Variants in NLN observed in about 807,000 individuals in gnomAD.
The protein encoded by NLN is neurolysin, mitochondrial.
NLN carries 64 observed loss-of-function variants against 79.9 expected under a neutral mutation model. The ratio of observed to expected loss-of-function variants is 0.80; its 90% CI spans 0.65 to 0.99. The LOEUF is 0.99. Among genes scored for constraint, NLN ranks in the 50% least tolerant of loss-of-function variants. NLN has a pLI of 0.00. For missense variants in NLN, 835 were observed against 858.7 expected, an observed-to-expected ratio of 0.97 and a Z score of 0.34; for synonymous variants, 267 against 296.6, an observed-to-expected ratio of 0.90 and a Z score of 1.02.
rs940532715 is a variant in NLN, at chr5:65,824,401, C to G, written c.*1486C>G. On this transcript the variant is annotated 3_prime_UTR_variant, in exon 13 of 13. Transcript: ENST00000380985. ...ACATCCACCTGAAATCCTACTACCCCCTCTTCTGAGATAATTTGCCCAGCC... is the reference window on the plus strand; with the variant it reads ...ACATCCACCTGAAATCCTACTACCCGCTCTTCTGAGATAATTTGCCCAGCC... 1 of 151,976 alleles carries G rather than the reference C, an allele frequency of 6.6e-6. No homozygotes were observed. Among genetic ancestry groups the G allele is most frequent in the African/African-American group, 2.4e-5 (1 of 41,278 alleles). 9.4% of individuals were successfully genotyped at this position (151,976 alleles called of 1,614,324 possible). A position where few individuals can be genotyped will look rare whatever the true frequency, so the allele number is the denominator to read the frequency against.
chr5:65,810,019 A>G lies in NLN; in HGVS notation c.1715-18A>G, dbSNP rs370477559. ...TCTGTCTTCTTCAAAACATGCCCAA[A>G]CATTCTTATGTTATTAGGTCTTCTG... On this transcript the variant is annotated intron_variant, in intron 10 of 12. Transcript: ENST00000380985. 208 of 1,611,966 alleles carry G rather than the reference A, an allele frequency of 1.3e-4. No individual in the cohort carries two copies. The highest frequency in any genetic ancestry group is 1.7e-4 in the Non-Finnish European group (200 of 1,178,932).
chr5:65,789,844 C>G (rs1214048241), intron 8 of NLN, among the ~76,000 whole-genome samples: 1 of 152,214 alleles, frequency 6.6e-6, no homozygotes, highest in South Asian at 2.1e-4. Flanking sequence ...GGCTGAGAGG[C>G]AGCACAGTTT....
chr5:65,773,306 G>A (rs1335977567), intron 3 of NLN, among the ~76,000 whole-genome samples: 1 of 151,452 alleles, frequency 6.6e-6, no homozygotes, highest in Non-Finnish European at 1.5e-5. Context: ...TAATTTTTGT[G>A]TTTTTTAGTT....
intron 1 of NLN, among the ~76,000 whole-genome samples, chr5:65,740,601 G>C (rs559004911): frequency 3.1e-4 from 47 of 152,094 alleles, no homozygotes; most frequent in African/African-American, 1.1e-3. Context: ...TATGGGATGA[G>C]ATGAGGGTCT....
chr5:65,724,841 G>T (rs1256822518), intron 1 of NLN, among the ~76,000 whole-genome samples: 1 of 137,064 alleles, frequency 7.3e-6, no homozygotes, highest in Non-Finnish European at 1.5e-5. Context: ...TCTCTCTGTC[G>T]CCCAGGCTGG....
chr5:65,819,425 G>A (rs1760745772), intron 12 of NLN, among the ~76,000 whole-genome samples: 1 of 152,206 alleles, frequency 6.6e-6, no homozygotes. Flanking sequence ...AAGGCCCCAG[G>A]TCACATAGCT....
intron 9 of NLN, among the ~76,000 whole-genome samples, chr5:65,796,894 T>C (rs760508048): frequency 6.6e-6 from 1 of 152,220 alleles, no homozygotes; most frequent in South Asian, 2.1e-4. Flanking sequence ...GTGTTTGAGC[T>C]CTCCACTGTG....
intron 9 of NLN, among the ~76,000 whole-genome samples, chr5:65,802,043 C>T (rs534481220): frequency 6.6e-6 from 1 of 152,308 alleles, no homozygotes; most frequent in Admixed American, 6.5e-5. Context: ...AAAACCATCA[C>T]CTTGAGAAAA....
intron 12 of NLN, among the ~76,000 whole-genome samples, chr5:65,817,900 A>G (rs1426805474): frequency 1.3e-5 from 2 of 152,218 alleles, no homozygotes; most frequent in South Asian, 4.1e-4. Flanking sequence ...ATGTGTTGCT[A>G]AAAGAGAATA....
At chr5:65,743,727 C>T (rs1337459188) in intron 1 of NLN, among the ~76,000 whole-genome samples, 5 of 152,192 alleles carry the variant, frequency 3.3e-5, no homozygotes, top group African/African-American at 1.2e-4. Flanking sequence ...CTTTAAGCCC[C>T]AACCTGTCCA....
At chr5:65,793,469 AAAAC>A (rs1407805708) in intron 9 of NLN, 1 of 152,374 alleles carries the variant, frequency 6.6e-6, no homozygotes, top group Non-Finnish European at 1.5e-5. Context: ...GCAACGTGGT[AAAAC>A]AAACAAAAAT....
At chr5:65,802,426 G>A (rs925801362) in intron 9 of NLN, among the ~76,000 whole-genome samples, 7 of 152,232 alleles carry the variant, frequency 4.6e-5, no homozygotes, top group Admixed American at 4.6e-4. Context: ...GCACCCAGAA[G>A]CTTAGAGACG....
chr5:65,797,000 G>A (rs766719429), intron 9 of NLN, among the ~76,000 whole-genome samples: 74 of 152,254 alleles, frequency 4.9e-4, no homozygotes, highest in Admixed American at 1.5e-3. Flanking sequence ...CAAACATGTA[G>A]ATGCACTAGT....
At chr5:65,739,331 G>A (rs1758822507) in intron 1 of NLN, among the ~76,000 whole-genome samples, 1 of 152,036 alleles carries the variant, frequency 6.6e-6, no homozygotes, top group Non-Finnish European at 1.5e-5. Context: ...GTTCATCCAT[G>A]TTGTCACAAA....
At chr5:65,807,285 T>A (rs549639686) in intron 9 of NLN, among the ~76,000 whole-genome samples, 1 of 151,948 alleles carries the variant, frequency 6.6e-6, no homozygotes, top group African/African-American at 2.4e-5. Context: ...TGATTATAAC[T>A]ACCACCATGA....
chr5:65,774,055 G>GTTTTT (rs33910517), intron 3 of NLN, among the ~76,000 whole-genome samples: 2 of 140,352 alleles, frequency 1.4e-5, no homozygotes. Flanking sequence ...AGAATTCAAA[G>GTTTTT]TTTTTTTTTT....
chr5:65,777,070 T>C (rs1476265250), intron 3 of NLN, among the ~76,000 whole-genome samples: 1 of 152,208 alleles, frequency 6.6e-6, no homozygotes, highest in East Asian at 1.9e-4. Context: ...TAAATCCAGA[T>C]GATTTGTGGT....
chr5:65,752,205 T>C (rs575346864), intron 1 of NLN, among the ~76,000 whole-genome samples: 1 of 151,800 alleles, frequency 6.6e-6, no homozygotes, highest in Non-Finnish European at 1.5e-5. Context: ...CCACCTGGAC[T>C]GTAGCCTGGC....
chr5:65,807,112 G>A (rs1295699530), intron 9 of NLN, among the ~76,000 whole-genome samples: 1 of 151,320 alleles, frequency 6.6e-6, no homozygotes, highest in Non-Finnish European at 1.5e-5. Flanking sequence ...GGGAGGCAGA[G>A]GTTACAGTGA....
Sources: gnomAD v4.1 joint callset for allele counts (sites outside exome capture counted in the v4.1 genomes callset) on GRCh38, gnomAD v4.1.1 for gene constraint, MANE v1.5 for transcripts, NCBI Gene and HGNC (gene_info 2026-07-23, HGNC 2026-07-21) for gene names.